Variants in CCSER1 observed in about 807,000 individuals in gnomAD.
The protein encoded by CCSER1 is coiled-coil serine rich protein 1, also known as serine-rich coiled-coil domain-containing protein 1.
CCSER1 carries 41 observed loss-of-function variants against 82.0 expected under a neutral mutation model. The ratio of observed to expected loss-of-function variants is 0.50; its 90% CI spans 0.39 to 0.65. CCSER1 has a LOEUF of 0.65. Ranked by LOEUF, CCSER1 falls within the 30% of genes least tolerant of loss-of-function variation. The probability of loss-of-function intolerance (pLI) is 0.00; values close to 1 mark genes in which losing one functional copy is unlikely to be tolerated. For missense variants in CCSER1, 1,119 were observed against 1,064.2 expected (o/e 1.05, Z -0.72); for synonymous variants, 414 against 383.9 (o/e 1.08, Z -0.92).
chr4:91,581,892 G>C lies in CCSER1; in HGVS notation c.2218-16680G>C, dbSNP rs1482141693. On this transcript the variant is annotated intron_variant, in intron 10 of 10. Coordinates refer to ENST00000509176, the MANE Select transcript of CCSER1 (RefSeq NM_001145065.2). ...TAACATTAAAAAATGTTCCCTAAGA[G>C]GCAACTTTGCCCTAGTTGAGAACCA... 2.0e-5 allele frequency among the ~76,000 whole-genome samples: 3 copies of C among 151,404 alleles called. No individual in the cohort carries two copies. In the Admixed American group the frequency reaches 2.0e-4, roughly 10 times the overall value.
At chr4:90,400,571 G>T (rs998639666) in intron 4 of CCSER1, among the ~76,000 whole-genome samples, 2 of 152,130 alleles carry the variant, frequency 1.3e-5, no homozygotes, top group Admixed American at 1.3e-4. Flanking sequence ...GATGCAATAA[G>T]GTTGATCTCA....
At chr4:90,375,845 C>T (rs1486974149) in intron 3 of CCSER1, among the ~76,000 whole-genome samples, 1 of 152,100 alleles carries the variant, frequency 6.6e-6, no homozygotes, top group Non-Finnish European at 1.5e-5. Flanking sequence ...GACTGATTAA[C>T]CTGAGGCAGT....
rs1560650594 is a variant in CCSER1 at position 91,411,525 on chromosome 4, TAA to T, written c.2218-187044_2218-187043del. ...ATATATATATATATATATATATATA[TAA>T]AATCTTGACTAGTTAATATATTTAA... On this transcript the variant is annotated intron_variant, in intron 10 of 10. Coordinates refer to ENST00000509176, the MANE Select transcript of CCSER1 (RefSeq NM_001145065.2). 2.4e-3 allele frequency among the ~76,000 whole-genome samples: 304 copies of T among 129,336 alleles called. 1 individual carries two copies. The highest frequency in any genetic ancestry group is 8.9e-3 in the African/African-American group (281 of 31,650). 84.8% of individuals were successfully genotyped at this position (129,336 alleles called of 152,430 possible).
At chr4:90,363,473 G>T (rs1012239671) in intron 3 of CCSER1, among the ~76,000 whole-genome samples, 2 of 151,954 alleles carry the variant, frequency 1.3e-5, no homozygotes, top group Non-Finnish European at 2.9e-5. Context: ...CTGTTGGGGG[G>T]TTCTCTTTGT....
intron 10 of CCSER1, among the ~76,000 whole-genome samples, chr4:91,170,043 A>C (rs549451601): frequency 8.6e-4 from 131 of 152,320 alleles, no homozygotes; most frequent in African/African-American, 3.0e-3. Flanking sequence ...TTTGACTTTC[A>C]TATATCCATC....
At chr4:90,353,701 G>A (rs1274866283) in intron 3 of CCSER1, among the ~76,000 whole-genome samples, 1 of 152,158 alleles carries the variant, frequency 6.6e-6, no homozygotes, top group East Asian at 1.9e-4. Flanking sequence ...AACAATAGGA[G>A]TCTTTCTGAA....
chr4:90,433,678 C>T lies in CCSER1; in HGVS notation c.1603+33549C>T, dbSNP rs989346402. On this transcript the variant is annotated intron_variant, in intron 4 of 10. Coordinates refer to ENST00000509176, the MANE Select transcript of CCSER1 (RefSeq NM_001145065.2). ...AGGCTCTTTACTATAATGCTATAGT[C>T]TATCAAAAAATAAAATATAGCAATT... 4.6e-5 allele frequency among the ~76,000 whole-genome samples: 7 copies of T among 151,966 alleles called. No individual in the cohort carries two copies. The South Asian group carries it at 1.0e-3, about 23-fold the overall frequency.
intron 5 of CCSER1, among the ~76,000 whole-genome samples, chr4:90,616,227 G>A (rs1721164697): frequency 6.6e-6 from 1 of 152,028 alleles, no homozygotes; most frequent in Non-Finnish European, 1.5e-5. Context: ...TTTGCTTATT[G>A]CAGTGGCATG....
At chr4:91,172,330 A>G (rs1732847810) in intron 10 of CCSER1, among the ~76,000 whole-genome samples, 1 of 152,176 alleles carries the variant, frequency 6.6e-6, no homozygotes, top group South Asian at 2.1e-4. Context: ...AGAGCTTAAT[A>G]ATAAAACTGT....
intron 10 of CCSER1, among the ~76,000 whole-genome samples, chr4:91,596,546 G>A (rs1764588898): frequency 1.3e-5 from 2 of 151,870 alleles, no homozygotes; most frequent in African/African-American, 4.8e-5. Flanking sequence ...CAGGGATGGA[G>A]GAAAAAGAAA....
chr4:90,360,180 G>T (rs563770238), intron 3 of CCSER1, among the ~76,000 whole-genome samples: 1 of 148,846 alleles, frequency 6.7e-6, no homozygotes, highest in South Asian at 2.1e-4. Context: ...GCCTCCGAAA[G>T]TGCTGGGATT....
intron 9 of CCSER1, among the ~76,000 whole-genome samples, chr4:90,946,328 T>G (rs1732235177): frequency 6.6e-6 from 1 of 152,174 alleles, no homozygotes; most frequent in Non-Finnish European, 1.5e-5. Context: ...GATTGTAATA[T>G]TATTCTCAAT....
intron 10 of CCSER1, among the ~76,000 whole-genome samples, chr4:91,549,701 C>A (rs1037004161): frequency 6.6e-6 from 1 of 151,950 alleles, no homozygotes; most frequent in Non-Finnish European, 1.5e-5. Context: ...GACGGCCGTG[C>A]TGGTGCGCCT....
At chr4:90,299,333 C>T (rs921182796) in intron 1 of CCSER1, among the ~76,000 whole-genome samples, 1 of 151,842 alleles carries the variant, frequency 6.6e-6, no homozygotes, top group Non-Finnish European at 1.5e-5. Flanking sequence ...TAGGAGTGAC[C>T]CAAAGACTGA....
At position 91,191,218 on chromosome 4, in the gene CCSER1, A is replaced by G. The variant is rs145160321; in HGVS notation, c.2217+105224A>G. 3.3e-5 allele frequency among the ~76,000 whole-genome samples: 5 copies of G among 152,264 alleles called. No homozygotes were observed. In the East Asian group the frequency reaches 9.7e-4, roughly 29 times the overall value. ...TAACTGCCTTACCTGTGCTCTGAGT[A>G]GCATAATTTCCTGATTATACATAGG... On this transcript the variant is annotated intron_variant, in intron 10 of 10. Coordinates refer to ENST00000509176, the MANE Select transcript of CCSER1 (RefSeq NM_001145065.2).
chr4:91,078,118 G>A (rs917657072), intron 9 of CCSER1, among the ~76,000 whole-genome samples: 3 of 152,200 alleles, frequency 2.0e-5, no homozygotes, highest in Admixed American at 6.5e-5. Context: ...CAGAGTTTGG[G>A]ATCTGAGAAC....
intron 7 of CCSER1, among the ~76,000 whole-genome samples, chr4:90,790,632 A>G (rs906392474): frequency 6.6e-6 from 1 of 152,158 alleles, no homozygotes; most frequent in East Asian, 1.9e-4. Context: ...GCAAATTACT[A>G]CAAACTGGAA....
chr4:90,972,114 A>G (rs1055124901), intron 9 of CCSER1, among the ~76,000 whole-genome samples: 7 of 151,818 alleles, frequency 4.6e-5, no homozygotes, highest in Non-Finnish European at 8.8e-5. Context: ...CTTCTATTCA[A>G]CATAATGCTG....
chr4:91,291,132 G>A (rs1423969936), intron 10 of CCSER1, among the ~76,000 whole-genome samples: 2 of 151,594 alleles, frequency 1.3e-5, no homozygotes, highest in East Asian at 3.9e-4. Flanking sequence ...AAGCACCCAA[G>A]ACGGTGCTGG....
Sources: gnomAD v4.1 joint callset for allele counts (sites outside exome capture counted in the v4.1 genomes callset) on GRCh38, gnomAD v4.1.1 for gene constraint, MANE v1.5 for transcripts, NCBI Gene and HGNC (gene_info 2026-07-23, HGNC 2026-07-21) for gene names.